Variants in ERC1 observed in about 807,000 individuals in gnomAD.
ERC1 encodes the protein RAB6 interacting protein 2.
In ERC1, 56 loss-of-function variants were observed where a neutral mutation model predicts 132.0. The observed-to-expected ratio is 0.42, with a 90% CI of 0.34 to 0.53. The LOEUF (loss-of-function observed/expected upper bound fraction) is 0.53. Ranked by LOEUF, ERC1 falls within the 20% of genes least tolerant of loss-of-function variation. The pLI is 0.03. For missense variants in ERC1, 1,202 were observed against 1,349.9 expected (o/e 0.89, Z 1.72); for synonymous variants, 478 against 476.1 (o/e 1.00, Z -0.05).
At chr12:1,093,936 TATA>T (rs1330376287) in intron 3 of ERC1, among the ~76,000 whole-genome samples, 2 of 93,082 alleles carry the variant, frequency 2.1e-5, no homozygotes, top group Non-Finnish European at 4.6e-5. Context: ...TATATTTTTC[TATA>T]TAAATATATA....
intron 16 of ERC1, among the ~76,000 whole-genome samples, chr12:1,397,084 G>T (rs911873412): frequency 6.6e-6 from 1 of 152,128 alleles, no homozygotes; most frequent in African/African-American, 2.4e-5. Context: ...AATGTACATG[G>T]TCCTTACCCA....
At chr12:1,377,557 T>C (rs747684300) in intron 16 of ERC1, among the ~76,000 whole-genome samples, 3 of 152,238 alleles carry the variant, frequency 2.0e-5, no homozygotes, top group Non-Finnish European at 2.9e-5. Flanking sequence ...AATTCATTTA[T>C]TTAGGGTTAT....
In ERC1 at chr12:1,335,239, C is replaced by T. The variant is rs1280957715; in HGVS notation, c.2781-36594C>T. 3.3e-5 allele frequency among the ~76,000 whole-genome samples: 5 copies of T among 152,118 alleles called. No homozygotes were observed. The East Asian group carries it at 7.7e-4, about 23-fold the overall frequency. ...TTTATTTCTTTCTTTTGCCTGATTG[C>T]CCTGTCCAGGACCTTCAATACTATG... On this transcript the variant is annotated intron_variant, in intron 15 of 18. Transcript: ENST00000360905.
intron 8 of ERC1, 134 bp downstream of exon 8, chr12:1,141,921 A>G: frequency 1.5e-6 from 1 of 658,178 alleles, no homozygotes; most frequent in Non-Finnish European, 2.3e-6. Flanking sequence ...GTAATTTGGA[A>G]CTCTTGTTGC....
intron 15 of ERC1, among the ~76,000 whole-genome samples, chr12:1,331,628 T>G (rs922297614): frequency 2.0e-5 from 3 of 152,162 alleles, no homozygotes; most frequent in Non-Finnish European, 2.9e-5. Flanking sequence ...TAACAAATAA[T>G]TAGTCATTGG....
intron 18 of ERC1, among the ~76,000 whole-genome samples, chr12:1,462,305 A>G (rs1443202270): frequency 6.6e-6 from 1 of 152,248 alleles, no homozygotes; most frequent in Non-Finnish European, 1.5e-5. Context: ...ATGTACATCT[A>G]TCCTGTAACC....
intron 16 of ERC1, among the ~76,000 whole-genome samples, chr12:1,406,354 T>A (rs2091490343): frequency 6.6e-6 from 1 of 152,178 alleles, no homozygotes; most frequent in Non-Finnish European, 1.5e-5. Context: ...TTAATTCATC[T>A]AGAAACTAAA....
At chr12:1,369,855 C>T (rs987229142) in intron 15 of ERC1, among the ~76,000 whole-genome samples, 1 of 152,152 alleles carries the variant, frequency 6.6e-6, no homozygotes, top group Non-Finnish European at 1.5e-5. Context: ...TGAAACAAAT[C>T]TTTATTTCCA....
At chr12:1,040,883 T>G (rs936585134) in intron 2 of ERC1, among the ~76,000 whole-genome samples, 2 of 152,174 alleles carry the variant, frequency 1.3e-5, no homozygotes, top group Admixed American at 6.5e-5. Flanking sequence ...TTATGTACTT[T>G]CAGAGAATGT....
intron 4 of ERC1, among the ~76,000 whole-genome samples, chr12:1,105,417 G>C (rs1945139491): frequency 6.6e-6 from 1 of 152,014 alleles, no homozygotes; most frequent in South Asian, 2.1e-4. Context: ...GAGTGCAGTG[G>C]CGTGATCTTG....
intron 12 of ERC1, among the ~76,000 whole-genome samples, chr12:1,196,310 A>G (rs977213555): frequency 2.6e-5 from 4 of 152,132 alleles, no homozygotes; most frequent in Non-Finnish European, 5.9e-5. Flanking sequence ...TTTGAGAGGA[A>G]TACATATAGC....
intron 2 of ERC1, among the ~76,000 whole-genome samples, chr12:1,060,019 G>T (rs1022499932): frequency 6.6e-6 from 1 of 152,070 alleles, no homozygotes; most frequent in African/African-American, 2.4e-5. Context: ...TTGTTACTTG[G>T]TGTTGTTCTG....
chr12:1,071,360 G>A (rs1326591561), intron 2 of ERC1, among the ~76,000 whole-genome samples: 1 of 152,076 alleles, frequency 6.6e-6, no homozygotes, highest in Non-Finnish European at 1.5e-5. Context: ...CCATTCTAGT[G>A]GGTGTGTAGT....
At chr12:1,312,059 A>G (rs1271598663) in intron 15 of ERC1, among the ~76,000 whole-genome samples, 1 of 152,218 alleles carries the variant, frequency 6.6e-6, no homozygotes, top group African/African-American at 2.4e-5. Flanking sequence ...GTTGGACAGC[A>G]TAATTTCTTC....
chr12:1,449,018 G>A (rs1243022998), intron 18 of ERC1, among the ~76,000 whole-genome samples: 2 of 152,228 alleles, frequency 1.3e-5, no homozygotes, highest in East Asian at 3.8e-4. Context: ...TGTGAGACGT[G>A]GAGTTAAAGG....
At chr12:1,082,879 A>T (rs182528022) in intron 2 of ERC1, among the ~76,000 whole-genome samples, 2 of 152,284 alleles carry the variant, frequency 1.3e-5, no homozygotes, top group East Asian at 3.9e-4. Flanking sequence ...TTCCGTGTTA[A>T]TATCTTCTAT....
chr12:1,222,778 A>G (rs1959110815), intron 12 of ERC1, among the ~76,000 whole-genome samples: 1 of 152,142 alleles, frequency 6.6e-6, no homozygotes, highest in African/African-American at 2.4e-5. Flanking sequence ...ACTATATGTA[A>G]CTTCCTTTTT....
At chr12:990,762 G>A (rs1049631513), upstream of ERC1, 3 of 152,218 alleles carry the variant, frequency 2.0e-5, no homozygotes, top group Admixed American at 6.5e-5. Context: ...TGGCTGCCCC[G>A]GGCGTAACGG....
In ERC1 at chr12:1,181,836, T is replaced by C; in HGVS notation, c.1876-89T>C. On this transcript the variant is annotated intron_variant, in intron 9 of 18. Transcript: ENST00000360905. ...AAAACTTACCATTGTCTTTTGAATA[T>C]AGAAGTTTGAAATTCTGCTAAAAGC... 7 of 1,331,168 alleles carry C rather than the reference T, an allele frequency of 5.3e-6. 1 individual carries two copies. The highest frequency in any genetic ancestry group is 7.1e-6 in the Non-Finnish European group (7 of 983,344). The allele number at this position is 1,331,168 out of a possible 1,614,324, so 82.5% of individuals were successfully genotyped here. A position where few individuals can be genotyped will look rare whatever the true frequency, so the allele number is the denominator to read the frequency against.
Sources: allele counts gnomAD v4.1 joint callset (sites outside exome capture counted in the v4.1 genomes callset), GRCh38; gene constraint gnomAD v4.1.1; transcripts MANE v1.5; gene names NCBI Gene and HGNC (gene_info 2026-07-23, HGNC 2026-07-21).